Variants in PLEKHM3 observed in about 807,000 individuals in gnomAD.
The protein encoded by PLEKHM3 is pleckstrin homology domain-containing family M member 3.
PLEKHM3 carries 45 observed loss-of-function variants against 81.8 expected under a neutral mutation model. That is an observed-to-expected ratio of 0.55 (90% CI 0.43 to 0.71). The LOEUF is 0.71. Among genes scored for constraint, PLEKHM3 ranks in the 30% least tolerant of loss-of-function variants. The pLI, the probability that PLEKHM3 is intolerant of heterozygous loss-of-function variation, is 0.00. For synonymous variants in PLEKHM3, 352 were observed against 356.4 expected, an observed-to-expected ratio of 0.99 and a Z score of 0.14; for missense variants, 788 against 924.3, an observed-to-expected ratio of 0.85 and a Z score of 1.91.
At chr2:207,910,875 C>T (rs569943806) in intron 5 of PLEKHM3, among the ~76,000 whole-genome samples, 2 of 151,908 alleles carry the variant, frequency 1.3e-5, no homozygotes, top group Non-Finnish European at 2.9e-5. Context: ...GGGTAGATAC[C>T]AGAGACTTTT....
At chr2:207,888,638 C>T (rs1413790198) in intron 6 of PLEKHM3, among the ~76,000 whole-genome samples, 1 of 152,202 alleles carries the variant, frequency 6.6e-6, no homozygotes, top group South Asian at 2.1e-4. Flanking sequence ...TCGTGATCTG[C>T]CCACCTCGGC....
chr2:207,960,414 C>T (rs1477843779), intron 3 of PLEKHM3, among the ~76,000 whole-genome samples: 1 of 152,146 alleles, frequency 6.6e-6, no homozygotes, highest in Non-Finnish European at 1.5e-5. Flanking sequence ...TTTCTGTCTG[C>T]TGTGGTAAGA....
chr2:207,932,109 G>A lies in PLEKHM3; in HGVS notation c.1693-990C>T, dbSNP rs1689617465. On this transcript the variant is annotated intron_variant, in intron 4 of 7. Transcript: ENST00000427836. ...ATATACTGCTTCAGTGACCAGAAAG[G>A]AGTTGCTCTTATTACAACTTTGAAC... is the stretch of plus-strand genomic sequence containing the variant. Among the ~76,000 whole-genome samples, 8 of 152,326 alleles carry A rather than the reference G, an allele frequency of 5.3e-5. No individual in the cohort carries two copies. In the South Asian group the frequency reaches 1.7e-3, roughly 32 times the overall value.
chr2:208,015,946 C>T (rs1692894928), intron 1 of PLEKHM3, among the ~76,000 whole-genome samples: 1 of 152,212 alleles, frequency 6.6e-6, no homozygotes, highest in African/African-American at 2.4e-5. Flanking sequence ...GTAATCCCAG[C>T]ACTTTGGGAG....
intron 3 of PLEKHM3, among the ~76,000 whole-genome samples, chr2:207,968,198 G>T (rs1465935447): frequency 1.3e-5 from 2 of 151,968 alleles, no homozygotes. Context: ...TCTTTTGTGT[G>T]CCCTCAGACT....
At chr2:207,918,016 T>C (rs1689052431) in intron 5 of PLEKHM3, among the ~76,000 whole-genome samples, 1 of 152,150 alleles carries the variant, frequency 6.6e-6, no homozygotes, top group African/African-American at 2.4e-5. Context: ...TATGAAGTGA[T>C]TCTACCAGCT....
In PLEKHM3 at chr2:208,008,540, T is replaced by A. The variant is rs553416719; in HGVS notation, c.-318-6583A>T. On this transcript the variant is annotated intron_variant, in intron 1 of 7. Transcript: ENST00000427836. ...AAAAAAAAAAACAGACAAAAAAAAATGTCCCAGGGAGTGCTGTGCCTACTT... is the reference window on the plus strand; with the variant it reads ...AAAAAAAAAAACAGACAAAAAAAAAAGTCCCAGGGAGTGCTGTGCCTACTT... 2.0e-3 allele frequency among the ~76,000 whole-genome samples: 239 copies of A among 117,302 alleles called. 1 individual carries two copies. The Middle Eastern group carries it at 0.026, about 13-fold the overall frequency. 77.0% of individuals were successfully genotyped at this position (117,302 alleles called of 152,430 possible).
chr2:207,862,505 GCA>G (rs2092473005), intron 6 of PLEKHM3, among the ~76,000 whole-genome samples: 3 of 152,128 alleles, frequency 2.0e-5, no homozygotes, highest in Non-Finnish European at 4.4e-5. Context: ...GGGCGTGGTG[GCA>G]GGTGCCTGTA....
In PLEKHM3 at chr2:207,843,015, C is replaced by T. The variant is rs140026483; in HGVS notation, c.2109-14519G>A. Among the ~76,000 whole-genome samples the T allele has an allele frequency of 3.3e-5, 5 of 152,242 alleles. No individual in the cohort carries two copies. In the East Asian group the frequency reaches 7.7e-4, roughly 24 times the overall value. ...AGGCTGGAGTGCAGTGGTGTGATCA[C>T]GGCTCACTGCAACCTCCGCCTCCTA... On this transcript the variant is annotated intron_variant, in intron 7 of 7. Coordinates refer to ENST00000427836, the MANE Select transcript of PLEKHM3 (RefSeq NM_001080475.3). The surrounding 1 kb of genome is among the most constrained non-coding windows in gnomAD (Gnocchi z 4.4).
chr2:207,997,071 C>T (rs923929866), intron 2 of PLEKHM3, among the ~76,000 whole-genome samples: 2 of 151,658 alleles, frequency 1.3e-5, no homozygotes, highest in Middle Eastern at 3.2e-3. Flanking sequence ...TATTACACAA[C>T]TAGTAAGTAC....
At chr2:207,873,980 T>C (rs2092547469) in intron 6 of PLEKHM3, among the ~76,000 whole-genome samples, 1 of 152,196 alleles carries the variant, frequency 6.6e-6, no homozygotes. Flanking sequence ...AGCCTGTATA[T>C]CATTGTCTAA....
At chr2:207,832,736 A>G (rs1257084730) in intron 7 of PLEKHM3, among the ~76,000 whole-genome samples, 1 of 150,774 alleles carries the variant, frequency 6.6e-6, no homozygotes. Context: ...GTTTGCAGAG[A>G]GCCGAGAAAT....
At chr2:207,973,143 T>G in intron 3 of PLEKHM3, among the ~76,000 whole-genome samples, 1 of 152,246 alleles carries the variant, frequency 6.6e-6, no homozygotes, top group East Asian at 1.9e-4. Flanking sequence ...GTTTTTGGCA[T>G]TTTGGAAGAT....
At chr2:207,954,833 T>C (rs1690452179) in intron 3 of PLEKHM3, among the ~76,000 whole-genome samples, 2 of 152,238 alleles carry the variant, frequency 1.3e-5, no homozygotes, top group African/African-American at 4.8e-5. Context: ...ATAAACTTGC[T>C]AAACTCTACA....
intron 7 of PLEKHM3, among the ~76,000 whole-genome samples, chr2:207,837,743 C>T (rs1207552549): frequency 3.7e-5 from 5 of 134,704 alleles, no homozygotes; most frequent in Admixed American, 1.6e-4. Context: ...TGAGCCACGG[C>T]GCCTGGCCGG....
intron 7 of PLEKHM3, among the ~76,000 whole-genome samples, chr2:207,855,912 T>A (rs1051474845): frequency 2.0e-5 from 3 of 152,018 alleles, no homozygotes; most frequent in African/African-American, 7.2e-5. Flanking sequence ...ACTAAGGAAA[T>A]CTGAAAAAAC....
chr2:208,006,030 A>G (rs1692483422), intron 1 of PLEKHM3, among the ~76,000 whole-genome samples: 1 of 152,164 alleles, frequency 6.6e-6, no homozygotes, highest in African/African-American at 2.4e-5. Flanking sequence ...GCCAAATTGT[A>G]CCAAAATGAT....
In PLEKHM3 at chr2:207,841,850, C is replaced by T. The variant is rs901214637; in HGVS notation, c.2109-13354G>A. On this transcript the variant is annotated intron_variant, in intron 7 of 7. Coordinates refer to ENST00000427836, the MANE Select transcript of PLEKHM3 (RefSeq NM_001080475.3). ...CATTTTTATATCTGATAGAAACAGT[C>T]TCCCTTCATGTACATAAAACTTTGA... 4.6e-5 allele frequency among the ~76,000 whole-genome samples: 7 copies of T among 152,078 alleles called. No homozygotes were observed. The South Asian group carries it at 1.4e-3, about 31-fold the overall frequency.
In PLEKHM3 at chr2:207,914,235, C is replaced by T. The variant is rs528937062; in HGVS notation, c.1887-5658G>A. On this transcript the variant is annotated intron_variant, in intron 5 of 7. Coordinates refer to ENST00000427836, the MANE Select transcript of PLEKHM3 (RefSeq NM_001080475.3). ...GGGGGGCCGGGTGCCGTGGCTCACG[C>T]CTGTAATCCCAGCACTTCGGGAGGC... Among the ~76,000 whole-genome samples, 248 of 152,092 alleles carry T rather than the reference C, an allele frequency of 1.6e-3. 3 individuals are homozygous for T. The highest frequency in any genetic ancestry group is 5.6e-3 in the African/African-American group (234 of 41,504).
Sources: allele counts gnomAD v4.1 joint callset (sites outside exome capture counted in the v4.1 genomes callset), GRCh38; gene constraint gnomAD v4.1.1; non-coding constraint Gnocchi (gnomAD v3.1); transcripts MANE v1.5; gene names NCBI Gene and HGNC (gene_info 2026-07-23, HGNC 2026-07-21).